Variants in RAB40C observed in about 807,000 individuals in gnomAD.
RAB40C encodes RAB40C, member RAS oncogene family.
RAB40C carries 8 observed loss-of-function variants against 28.1 expected under a neutral mutation model. That is an observed-to-expected ratio of 0.28 (90% confidence interval 0.17 to 0.51). The LOEUF is 0.51. Among genes scored for constraint, RAB40C ranks in the 20% least tolerant of loss-of-function variants. RAB40C has a pLI of 0.97. For synonymous variants in RAB40C, 201 were observed against 171.7 expected (o/e 1.17, Z -1.34); for missense variants, 288 against 405.9 (o/e 0.71, Z 2.50).
At position 627,881 on chromosome 16, in the gene RAB40C, C is replaced by G. The variant is rs1230321687; in HGVS notation, c.*259C>G. The G allele has an allele frequency of 2.2e-6, 1 of 451,016 alleles. No individual in the cohort carries two copies. The highest frequency in any genetic ancestry group is 2.0e-5 in the African/African-American group (1 of 49,900). 27.9% of individuals were successfully genotyped at this position (451,016 alleles called of 1,614,324 possible). On this transcript the variant is annotated 3_prime_UTR_variant, in exon 6 of 6. Transcript: ENST00000248139. ...AAACAAGCCGGGCCTCCCCAGCTGC[C>G]TGGGCTTGACCGGCGGGGAGCCTGG... is the stretch of plus-strand genomic sequence containing the variant.
chr16:611,245 C>T (rs2036477462), intron 1 of RAB40C, among the ~76,000 whole-genome samples: 1 of 152,218 alleles, frequency 6.6e-6, no homozygotes, highest in African/African-American at 2.4e-5. Context: ...AGCCATGGCT[C>T]CTGGTGGCCC....
At chr16:626,245 T>A (rs944035064) in intron 5 of RAB40C, 124 bp downstream of exon 5, 7 of 972,256 alleles carry the variant, frequency 7.2e-6, no homozygotes, top group Non-Finnish European at 1.1e-5. Context: ...CAACGCGCAG[T>A]AGGGGCTCGG....
At chr16:619,211 G>T (rs1238242686) in intron 3 of RAB40C, among the ~76,000 whole-genome samples, 1 of 150,866 alleles carries the variant, frequency 6.6e-6, no homozygotes, top group Non-Finnish European at 1.5e-5. Context: ...CCATGTGTGT[G>T]TGCAGGCATG....
rs568989424 is a variant in RAB40C at position 599,264 on chromosome 16, C to T, written c.142+8831C>T. ...TCTGCCTGTGCCACCAGCTTTGCTC[C>T]GAGGGGTGTCTGTGTCCTCAGGCTC... On this transcript the variant is annotated intron_variant, in intron 1 of 5. Transcript: ENST00000248139. Among the ~76,000 whole-genome samples the T allele has an allele frequency of 7.3e-4, 112 of 152,382 alleles. 1 individual carries two copies. The highest frequency in any genetic ancestry group is 2.5e-3 in the African/African-American group (104 of 41,596).
At chr16:592,686 C>T (rs1342329779) in intron 1 of RAB40C, among the ~76,000 whole-genome samples, 11 of 152,200 alleles carry the variant, frequency 7.2e-5, no homozygotes, top group Admixed American at 6.5e-4. Context: ...TGGCGGCGTG[C>T]GTGTTTGTGC....
intron 1 of RAB40C, among the ~76,000 whole-genome samples, chr16:616,255 C>CAA (rs913931251): frequency 1.8e-5 from 2 of 113,430 alleles, no homozygotes; most frequent in Non-Finnish European, 3.8e-5. Context: ...GACTCTGTCT[C>CAA]AAAAAAAAAA....
In RAB40C at chr16:627,893, G is replaced by A. The variant is rs1203012374; in HGVS notation, c.*271G>A. Reference sequence around the variant, plus strand: ...CCTCCCCAGCTGCCTGGGCTTGACCGGCGGGGAGCCTGGTTGGCCTTTCTT... The same window carrying A: ...CCTCCCCAGCTGCCTGGGCTTGACCAGCGGGGAGCCTGGTTGGCCTTTCTT... On this transcript the variant is annotated 3_prime_UTR_variant, in exon 6 of 6. Transcript: ENST00000248139. 2.1e-5 allele frequency: 9 copies of A among 439,020 alleles called. No homozygotes were observed. The highest frequency in any genetic ancestry group is 1.3e-4 in the South Asian group (2 of 15,670). The allele number at this position is 439,020 out of a possible 1,614,324, so 27.2% of individuals were successfully genotyped here.
chr16:626,159 A>G (rs1252289391), intron 5 of RAB40C, 38 bp downstream of exon 5: 1 of 1,567,754 alleles, frequency 6.4e-7, no homozygotes, highest in Non-Finnish European at 8.8e-7. Context: ...GAGGTCCCCG[A>G]ACCTGGGCTG....
intron 1 of RAB40C, among the ~76,000 whole-genome samples, chr16:600,624 A>C (rs940619462): frequency 6.6e-6 from 1 of 152,168 alleles, no homozygotes. Flanking sequence ...GGTGGCATGC[A>C]CCTGTATTCC....
chr16:620,270 A>G (rs2036683522), intron 3 of RAB40C, among the ~76,000 whole-genome samples: 1 of 152,124 alleles, frequency 6.6e-6, no homozygotes, highest in South Asian at 2.1e-4. Flanking sequence ...GCGGGCGCTT[A>G]TAATCCCAGC....
intron 1 of RAB40C, among the ~76,000 whole-genome samples, chr16:611,139 C>T (rs1173292292): frequency 6.6e-6 from 1 of 152,178 alleles, no homozygotes; most frequent in Non-Finnish European, 1.5e-5. Flanking sequence ...CCAGAGCAGC[C>T]TCTGATTCAA....
At chr16:593,825 C>A (rs1434702611) in intron 1 of RAB40C, among the ~76,000 whole-genome samples, 1 of 152,188 alleles carries the variant, frequency 6.6e-6, no homozygotes, top group Non-Finnish European at 1.5e-5. Flanking sequence ...CAGCAGTGAT[C>A]TTAGGGAGTG....
rs1352891712 is a variant in RAB40C at position 625,597 on chromosome 16, CGCCCCTCCTGTG to C, written c.342+94_342+105del. 39 of 1,370,662 alleles carry C rather than the reference CGCCCCTCCTGTG, an allele frequency of 2.8e-5. No homozygotes were observed. In the East Asian group the frequency reaches 9.3e-4, roughly 33 times the overall value. The allele number at this position is 1,370,662 out of a possible 1,614,324, so 84.9% of individuals were successfully genotyped here. A position where few individuals can be genotyped will look rare whatever the true frequency, so the allele number is the denominator to read the frequency against. On this transcript the variant is annotated intron_variant, in intron 4 of 5. Coordinates refer to ENST00000248139, the MANE Select transcript of RAB40C (RefSeq NM_021168.5). ...GGGTAGGCTCTGGATTCCCGCCTGC[CGCCCCTCCTGTG>C]GCCCCGGCTCTGCACCCTGCACTGT...
At chr16:617,440 G>A (rs2036610534) in intron 2 of RAB40C, among the ~76,000 whole-genome samples, 172 bp downstream of exon 2, 2 of 152,212 alleles carry the variant, frequency 1.3e-5, no homozygotes, top group South Asian at 4.1e-4. Flanking sequence ...GAAAAAGACA[G>A]TCTGGGACAC....
rs1190754467 is a variant in RAB40C, at chr16:625,415, C to T, written c.265-17C>T. The T allele has an allele frequency of 1.9e-6, 3 of 1,612,628 alleles. No individual in the cohort carries two copies. The highest frequency in any genetic ancestry group is 1.7e-6 in the Non-Finnish European group (2 of 1,179,314). ...GCGTGTCAGTGACCCCTGATGACCCCCAAGTCTCTGTTGCAGGGGATCCTC... is the reference window on the plus strand; with the variant it reads ...GCGTGTCAGTGACCCCTGATGACCCTCAAGTCTCTGTTGCAGGGGATCCTC... On this transcript the variant is annotated splice_polypyrimidine_tract_variant and intron_variant, in intron 3 of 5. Transcript: ENST00000248139.
chr16:608,168 G>T (rs2036403857), intron 1 of RAB40C, among the ~76,000 whole-genome samples: 1 of 152,226 alleles, frequency 6.6e-6, no homozygotes, highest in Non-Finnish European at 1.5e-5. Flanking sequence ...TTACAGTCAT[G>T]GCGGAAGGTA....
intron 2 of RAB40C, among the ~76,000 whole-genome samples, chr16:617,564 G>T (rs1436630218): frequency 6.6e-6 from 1 of 152,084 alleles, no homozygotes. Context: ...ATTTCCCAGC[G>T]GGGTGTGGTG....
intron 3 of RAB40C, 142 bp from the exon 4 acceptor site, chr16:625,290 G>C (rs2036804730): frequency 4.8e-6 from 7 of 1,462,946 alleles, no homozygotes; most frequent in Non-Finnish European, 2.7e-6. Flanking sequence ...TGCCTGGAGG[G>C]CATGGCTCAT....
At chr16:620,422 T>C (rs2036686756) in intron 3 of RAB40C, among the ~76,000 whole-genome samples, 1 of 152,232 alleles carries the variant, frequency 6.6e-6, no homozygotes, top group Admixed American at 6.5e-5. Flanking sequence ...GTGGGTGATT[T>C]ACATCTACAA....
Sources: gnomAD v4.1 joint callset for allele counts (sites outside exome capture counted in the v4.1 genomes callset) on GRCh38, gnomAD v4.1.1 for gene constraint, MANE v1.5 for transcripts, NCBI Gene and HGNC (gene_info 2026-07-23, HGNC 2026-07-21) for gene names.